Variants in SNX9 observed in about 807,000 individuals in gnomAD.
SNX9 encodes the protein sorting nexin-9.
Under a neutral mutation model 89.4 loss-of-function variants are expected in SNX9, and 44 were observed. The ratio of observed to expected loss-of-function variants is 0.49; its 90% CI spans 0.39 to 0.63. SNX9 has a LOEUF of 0.63. Ranked by LOEUF, SNX9 falls within the 30% of genes least tolerant of loss-of-function variation. The pLI is 0.00. For missense variants in SNX9, 578 were observed against 736.1 expected, an observed-to-expected ratio of 0.79 and a Z score of 2.49; for synonymous variants, 236 against 247.8, an observed-to-expected ratio of 0.95 and a Z score of 0.45.
rs1435492463 is a variant in SNX9 at position 157,896,912 on chromosome 6, C to T, written c.386C>T (p.Pro129Leu). 1.2e-6 allele frequency: 2 copies of T among 1,613,578 alleles called. No individual in the cohort carries two copies. Among genetic ancestry groups the T allele is most frequent in the South Asian group, 1.1e-5 (1 of 91,022 alleles). ...WESSEGWGAQ[P>L]EGAGAQRNTN... ...AGCTCAGAAGGCTGGGGGGCCCAGC[C>T]AGAGGGGGCTGGAGCCCAAAGAAAC... The change falls in exon 5 of 18, where the codon CCA (proline) becomes CTA (leucine). Residue 129 changes from proline to leucine, a missense_variant. Coordinates refer to ENST00000392185, the MANE Select transcript of SNX9 (RefSeq NM_016224.5).
chr6:157,826,885 A>AAATATATATTATAGTTTATATAATATAT (rs1258918513), intron 1 of SNX9, among the ~76,000 whole-genome samples: 2 of 105,550 alleles, frequency 1.9e-5, no homozygotes, highest in Admixed American at 1.2e-4. Flanking sequence ...TATAATATAT[A>AAATATATATTATAGTTTATATAATATAT]AATATATATT....
chr6:157,867,696 A>T, intron 2 of SNX9, 63 bp downstream of exon 2: 1 of 1,300,374 alleles, frequency 7.7e-7, no homozygotes, highest in African/African-American at 1.5e-5. Context: ...CAAATCCGGT[A>T]AGAGAACTGT....
At chr6:157,938,110 T>C (rs1783963206) in intron 15 of SNX9, among the ~76,000 whole-genome samples, 1 of 152,226 alleles carries the variant, frequency 6.6e-6, no homozygotes, top group South Asian at 2.1e-4. Flanking sequence ...TGGGAAATGT[T>C]TGGCAGCTTT....
At chr6:157,827,886 G>C (rs577513437) in intron 1 of SNX9, among the ~76,000 whole-genome samples, 4 of 146,618 alleles carry the variant, frequency 2.7e-5, no homozygotes, top group Admixed American at 2.7e-4. Context: ...TTAACTCTTC[G>C]GTTCCAATAC....
At position 157,918,038 on chromosome 6, in the gene SNX9, T is replaced by C. The variant is rs560544543; in HGVS notation, c.950-3493T>C. Among the ~76,000 whole-genome samples, 33 of 152,308 alleles carry C rather than the reference T, an allele frequency of 2.2e-4. 1 individual carries two copies. The South Asian group carries it at 6.8e-3, about 32-fold the overall frequency. On this transcript the variant is annotated intron_variant, in intron 9 of 17. Transcript: ENST00000392185. The stretch of plus-strand genomic sequence containing the variant: ...GAGACTTATTTTATGGCCTAGCATA[T>C]GGTCTGTCATAGGGAATATTCCATG...
At position 157,937,417 on chromosome 6, in the gene SNX9, C is replaced by T. The variant is rs1284749886; in HGVS notation, c.1444-17C>T. The T allele has an allele frequency of 1.3e-6, 2 of 1,580,216 alleles. No homozygotes were observed. Among genetic ancestry groups the T allele is most frequent in the Non-Finnish European group, 1.7e-6 (2 of 1,149,998 alleles). On this transcript the variant is annotated splice_polypyrimidine_tract_variant and intron_variant, in intron 14 of 17. Coordinates refer to ENST00000392185, the MANE Select transcript of SNX9 (RefSeq NM_016224.5). ...GAATTTCTCTGCCAGTAACAATCAG[C>T]TTGTATCTTGTTATAGCCAAAGAAA... is the stretch of plus-strand genomic sequence containing the variant.
At chr6:157,837,944 A>G (rs558924747) in intron 1 of SNX9, among the ~76,000 whole-genome samples, 4 of 152,362 alleles carry the variant, frequency 2.6e-5, no homozygotes, top group African/African-American at 9.6e-5. Flanking sequence ...TGTGGTTAAC[A>G]TTAGAATATT....
chr6:157,840,428 CT>C (rs59769554), intron 1 of SNX9, among the ~76,000 whole-genome samples: 20 of 144,062 alleles, frequency 1.4e-4, no homozygotes, highest in African/African-American at 2.6e-4. Flanking sequence ...TCTTTTCTTT[CT>C]TTTCTTTCCT....
At chr6:157,899,256 C>G (rs906111204) in intron 5 of SNX9, among the ~76,000 whole-genome samples, 25 of 152,176 alleles carry the variant, frequency 1.6e-4, no homozygotes, top group Non-Finnish European at 2.4e-4. Flanking sequence ...TAATGTCCCC[C>G]TCGTTGCCCT....
At chr6:157,889,687 G>A (rs556401777) in intron 4 of SNX9, among the ~76,000 whole-genome samples, 7 of 152,122 alleles carry the variant, frequency 4.6e-5, no homozygotes, top group Non-Finnish European at 1.0e-4. Flanking sequence ...TCTTAAGCCT[G>A]TTATCTCTTC....
At chr6:157,833,740 T>C (rs1018517129) in intron 1 of SNX9, among the ~76,000 whole-genome samples, 3 of 152,328 alleles carry the variant, frequency 2.0e-5, no homozygotes, top group Admixed American at 1.3e-4. Context: ...CCTCCCGCCT[T>C]CCTAAACCAT....
chr6:157,866,482 G>T (rs1167909734), intron 1 of SNX9, among the ~76,000 whole-genome samples: 1 of 152,214 alleles, frequency 6.6e-6, no homozygotes, highest in African/African-American at 2.4e-5. Flanking sequence ...GCTGAGGTGG[G>T]AGGATTGCTT....
chr6:157,851,574 A>G (rs75791415), intron 1 of SNX9, among the ~76,000 whole-genome samples: 4,826 of 152,108 alleles, frequency 0.032, 192 homozygotes, highest in African/African-American at 0.091. Context: ...TATCTCACAT[A>G]GTGGAATCAT....
At chr6:157,852,261 A>G (rs1310052424) in intron 1 of SNX9, among the ~76,000 whole-genome samples, 5 of 152,344 alleles carry the variant, frequency 3.3e-5, no homozygotes, top group African/African-American at 9.6e-5. Context: ...TTAAAGAAGT[A>G]TATCTGAATT....
intron 1 of SNX9, among the ~76,000 whole-genome samples, chr6:157,826,232 C>T (rs1244583090): frequency 6.6e-6 from 1 of 152,132 alleles, no homozygotes; most frequent in African/African-American, 2.4e-5. Context: ...CGGGCGCCGT[C>T]TCACGCCTGT....
chr6:157,828,436 TC>T (rs1331361898), intron 1 of SNX9, among the ~76,000 whole-genome samples: 1 of 152,236 alleles, frequency 6.6e-6, no homozygotes, highest in African/African-American at 2.4e-5. Context: ...AATGCTGTTC[TC>T]CCTTGTCCTT....
intron 1 of SNX9, among the ~76,000 whole-genome samples, chr6:157,850,179 G>T (rs945923660): frequency 6.6e-6 from 1 of 152,164 alleles, no homozygotes; most frequent in African/African-American, 2.4e-5. Context: ...CAGTCAGGTG[G>T]GTTGAGGGCC....
chr6:157,837,353 A>G (rs1781606703), intron 1 of SNX9, among the ~76,000 whole-genome samples: 1 of 152,240 alleles, frequency 6.6e-6, no homozygotes, highest in Non-Finnish European at 1.5e-5. Context: ...GTGTTATTAA[A>G]ACAGTAATCA....
At chr6:157,844,600 G>GTTTTTTTTTTTGTTTT (rs1781768435) in intron 1 of SNX9, among the ~76,000 whole-genome samples, 29 of 131,830 alleles carry the variant, frequency 2.2e-4, no homozygotes, top group African/African-American at 7.9e-4. Context: ...TTTTTTTTTT[G>GTTTTTTTTTTTGTTTT]TTTTTTTTTT....
Sources: gnomAD v4.1 joint callset for allele counts (sites outside exome capture counted in the v4.1 genomes callset) on GRCh38, gnomAD v4.1.1 for gene constraint, MANE v1.5 for transcripts, NCBI Gene and HGNC (gene_info 2026-07-23, HGNC 2026-07-21) for gene names.